Variants in KMT2A observed in about 807,000 individuals in gnomAD.
KMT2A encodes the protein histone-lysine N-methyltransferase 2A.
KMT2A carries 16 observed loss-of-function variants against 345.3 expected under a neutral mutation model. The observed-to-expected ratio is 0.05, with a 90% confidence interval of 0.03 to 0.07. KMT2A has a LOEUF of 0.07. Ranked by LOEUF, KMT2A falls within the 10% of genes least tolerant of loss-of-function variation. KMT2A has a pLI of 1.00. For missense variants in KMT2A, 3,272 were observed against 4,841.6 expected, an observed-to-expected ratio of 0.68 and a Z score of 9.62; for synonymous variants, 1,599 against 1,778.6, an observed-to-expected ratio of 0.90 and a Z score of 2.54.
At chr11:118,519,591 C>A (rs1173289031) in intron 31 of KMT2A, 27 bp from the exon 32 acceptor site, 1 of 1,601,384 alleles carries the variant, frequency 6.2e-7, no homozygotes, top group Non-Finnish European at 8.6e-7. Flanking sequence ...GCGCTCCTCA[C>A]TTCCCTGGTG....
chr11:118,509,027 C>A, intron 28 of KMT2A, 109 bp from the exon 29 acceptor site: 1 of 846,022 alleles, frequency 1.2e-6, no homozygotes, highest in Non-Finnish European at 1.9e-6. Context: ...CCCTGTGGCT[C>A]ATTTTCTAGC....
In KMT2A at chr11:118,482,078, C is replaced by T. The variant is rs1950143209; in HGVS notation, c.3998C>T (p.Pro1333Leu). The change falls in exon 7 of 36, where the codon CCA (proline) becomes CTA (leucine). Residue 1333 changes from proline to leucine, a missense_variant. Pro to Leu is a moderately conservative substitution (Grantham distance 98, BLOSUM62 -3). Transcript: ENST00000534358. ...AGTGAGCCCAAGAAAAAGCAGCCTC[C>T]ACCACCAGAATCAGGTGAGTGAGGA... is the stretch of plus-strand genomic sequence containing the variant. ...TPSEPKKKQP[P>L]PPESGPEQSK... is the part of the protein sequence containing the mutation. 1 of 1,608,150 alleles carries T rather than the reference C, an allele frequency of 6.2e-7. No homozygotes were observed. Among genetic ancestry groups the T allele is most frequent in the Non-Finnish European group, 8.5e-7 (1 of 1,177,928 alleles).
intron 22 of KMT2A, among the ~76,000 whole-genome samples, 181 bp from the exon 23 acceptor site, chr11:118,499,122 T>C (rs928171554): frequency 6.6e-6 from 1 of 152,218 alleles, no homozygotes; most frequent in Non-Finnish European, 1.5e-5. Flanking sequence ...ACTGTTTTGC[T>C]TTTCTACTTG....
intron 12 of KMT2A, 22 bp downstream of exon 12, chr11:118,489,909 C>A: frequency 6.3e-7 from 1 of 1,590,412 alleles, no homozygotes; most frequent in Admixed American, 1.7e-5. Flanking sequence ...ACATGATGCT[C>A]TTTTATAGAG....
chr11:118,521,195 GAACT>G lies in KMT2A; in HGVS notation c.11514-89_11514-86del. On this transcript the variant is annotated intron_variant, in intron 34 of 35. Transcript: ENST00000534358. This position sits in a 1 kb window ranked among gnomAD's most constrained non-coding sequence, Gnocchi z 5.3. ...TTCTCAAGTATATGTCCCTCCTGGG[GAACT>G]AACAGACCAGGAGAACTTATTCATG... 2 of 1,373,266 alleles carry G rather than the reference GAACT, an allele frequency of 1.5e-6. No individual in the cohort carries two copies. Among genetic ancestry groups the G allele is most frequent in the Non-Finnish European group, 2.0e-6 (2 of 986,258 alleles). 85.1% of individuals were successfully genotyped at this position (1,373,266 alleles called of 1,614,324 possible).
chr11:118,501,543 A>G (rs1950500914), intron 25 of KMT2A, 129 bp from the exon 26 acceptor site: 1 of 708,510 alleles, frequency 1.4e-6, no homozygotes, highest in Non-Finnish European at 2.3e-6. Flanking sequence ...CTGGGGGAAA[A>G]GTCATTTACT....
chr11:118,518,435 C>T (rs1426352182), intron 31 of KMT2A, among the ~76,000 whole-genome samples: 1 of 152,170 alleles, frequency 6.6e-6, no homozygotes, highest in African/African-American at 2.4e-5. Flanking sequence ...ACACATTCAT[C>T]ATAACAACAC....
Position 118,505,773 on chromosome 11 carries a change from C to T in KMT2A, c.9881C>T (p.Ser3294Phe). ...TVPNIIKRSK[S>F]SIMYFEPAPL... The stretch of plus-strand genomic sequence containing the variant: ...CCCAACATCATAAAAAGATCTAAAT[C>T]TAGCATCATGTATTTTGAACCGGCA... Residue 3294 changes from serine (S) to phenylalanine (F), a missense_variant, in exon 27 of 36, where the codon TCT becomes TTT. This residue lies in a region of KMT2A where 748 missense variants were observed against 922.2 expected (regional missense o/e 0.81). Coordinates refer to ENST00000534358, the MANE Select transcript of KMT2A (RefSeq NM_001197104.2). The surrounding 1 kb of genome is among the most constrained non-coding windows in gnomAD (Gnocchi z 4.6). The T allele has an allele frequency of 6.2e-7, 1 of 1,614,156 alleles. No individual in the cohort carries two copies. Among genetic ancestry groups the T allele is most frequent in the Non-Finnish European group, 8.5e-7 (1 of 1,180,042 alleles).
chr11:118,439,821 G>A (rs1476032558), intron 1 of KMT2A, among the ~76,000 whole-genome samples: 4 of 152,106 alleles, frequency 2.6e-5, no homozygotes, highest in African/African-American at 7.2e-5. Context: ...TGTTCCATGG[G>A]TAAGCTTTTT....
chr11:118,462,913 C>T (rs1168893843), intron 1 of KMT2A, among the ~76,000 whole-genome samples: 1 of 151,706 alleles, frequency 6.6e-6, no homozygotes, highest in Non-Finnish European at 1.5e-5. Flanking sequence ...AGAAGGAAAA[C>T]GAATTAATGC....
intron 27 of KMT2A, among the ~76,000 whole-genome samples, chr11:118,507,206 G>C (rs897066777): frequency 3.9e-5 from 6 of 152,126 alleles, no homozygotes; most frequent in Admixed American, 2.0e-4. Flanking sequence ...GCTGAGGTGG[G>C]AGGATTGCTT....
intron 1 of KMT2A, among the ~76,000 whole-genome samples, chr11:118,465,044 A>C (rs980391538): frequency 3.3e-4 from 51 of 152,348 alleles, no homozygotes; most frequent in African/African-American, 1.2e-3. Flanking sequence ...TTTCATGAGA[A>C]GTCATTCAGT....
intron 6 of KMT2A, 56 bp downstream of exon 6, chr11:118,480,294 T>A (rs1156275682): frequency 7.9e-7 from 1 of 1,264,716 alleles, no homozygotes; most frequent in Admixed American, 1.7e-5. Context: ...TGGTGTATAG[T>A]TGTATACACC....
Position 118,471,794 on chromosome 11 carries a change from A to C in KMT2A, c.635A>C (p.Lys212Thr). ...ACCAAATCTGGAGATAAGATCAAGA[A>C]GAAAGATTCTAAAAGTATAGAAAAG... ...SETKSGDKIK[K>T]KDSKSIEKKR... The change falls in exon 3 of 36, where the codon AAG becomes ACG. Residue 212 changes from lysine to threonine, a missense_variant. Physicochemically the swap from Lys to Thr is moderately conservative, Grantham distance 78. This residue lies in a region of KMT2A where 412 missense variants were observed against 511.0 expected (regional missense o/e 0.81). Coordinates refer to ENST00000534358, the MANE Select transcript of KMT2A (RefSeq NM_001197104.2). 1 of 1,613,758 alleles carries C rather than the reference A, an allele frequency of 6.2e-7. No individual in the cohort carries two copies. Among genetic ancestry groups the C allele is most frequent in the Non-Finnish European group, 8.5e-7 (1 of 1,179,816 alleles).
Position 118,471,806 on chromosome 11 carries a change from A to G in KMT2A, c.647A>G (p.Lys216Arg). 1 of 1,613,376 alleles carries G rather than the reference A, an allele frequency of 6.2e-7. No homozygotes were observed. The highest frequency in any genetic ancestry group is 1.7e-5 in the Admixed American group (1 of 59,790). Residue 216 changes from lysine to arginine, a missense_variant, in exon 3 of 36, where the codon AAA becomes AGA. By Grantham distance (26) the Lys-to-Arg change is conservative. This residue lies in a region of KMT2A where 412 missense variants were observed against 511.0 expected (regional missense o/e 0.81). Transcript: ENST00000534358. The stretch of plus-strand genomic sequence containing the variant: ...GATAAGATCAAGAAGAAAGATTCTA[A>G]AAGTATAGAAAAGAAGAGAGGAAGA... ...SGDKIKKKDS[K>R]SIEKKRGRPP...
intron 1 of KMT2A, chr11:118,448,561 T>C (rs1282839297): frequency 3.3e-5 from 5 of 152,158 alleles, no homozygotes; most frequent in African/African-American, 1.2e-4. Context: ...AGAGCTGATA[T>C]TACCACCAGC....
chr11:118,446,581 TC>T (rs1949426536), intron 1 of KMT2A, among the ~76,000 whole-genome samples: 1 of 152,200 alleles, frequency 6.6e-6, no homozygotes, highest in South Asian at 2.1e-4. Context: ...CCCACTCACA[TC>T]CAATCAATTT....
chr11:118,519,883 C>T lies in KMT2A; in HGVS notation c.11322-74C>T. On this transcript the variant is annotated intron_variant, in intron 32 of 35. Coordinates refer to ENST00000534358, the MANE Select transcript of KMT2A (RefSeq NM_001197104.2). The stretch of plus-strand genomic sequence containing the variant: ...CTTCCCACATACCCTTTGAGATTTC[C>T]AGTTTTAATGCCATCATCCTTTACT... The T allele has an allele frequency of 3.2e-6, 5 of 1,555,724 alleles. No homozygotes were observed. The South Asian group carries it at 3.4e-5, about 10-fold the overall frequency.
In KMT2A at chr11:118,510,138, T is replaced by C. The variant is rs1555049714; in HGVS notation, c.11071+20T>C. The C allele has an allele frequency of 1.3e-6, 2 of 1,578,244 alleles. No homozygotes were observed. On this transcript the variant is annotated intron_variant, in intron 30 of 35. Transcript: ENST00000534358. This position sits in a 1 kb window ranked among gnomAD's most constrained non-coding sequence, Gnocchi z 4.1. ...TTGAAGGTGAGTGGATTAAATCAGG[T>C]TGACCCATCAGCAGAAGCCCTGTTT...
Sources: gnomAD v4.1 joint callset for allele counts (sites outside exome capture counted in the v4.1 genomes callset) on GRCh38, gnomAD v4.1.1 for gene constraint, gnomAD v4.1.1 regional missense constraint, Gnocchi (gnomAD v3.1) non-coding constraint, MANE v1.5 for transcripts, NCBI Gene and HGNC (gene_info 2026-07-23, HGNC 2026-07-21) for gene names.